Variants in ZNF8 observed in about 807,000 individuals in gnomAD.
The protein encoded by ZNF8 is zinc finger protein 8, also known as zinc finger protein 272.
In ZNF8, 9 loss-of-function variants were observed where a neutral mutation model predicts 12.2. The ratio of observed to expected loss-of-function variants is 0.73; its 90% CI spans 0.44 to 1.28. The LOEUF is 1.28. Among genes scored for constraint, ZNF8 ranks in the 50% most tolerant of loss-of-function variants. The pLI, the probability that ZNF8 is intolerant of heterozygous loss-of-function variation, is 0.00. For missense variants in ZNF8, 664 were observed against 729.1 expected, an observed-to-expected ratio of 0.91 and a Z score of 1.03; for synonymous variants, 274 against 282.3, an observed-to-expected ratio of 0.97 and a Z score of 0.30.
intron 1 of ZNF8, chr19:58,280,083 G>A: frequency 2.9e-6 from 1 of 343,640 alleles, no homozygotes; most frequent in South Asian, 2.3e-5. Flanking sequence ...TTGAGAGAAA[G>A]TGTATTAGTT....
chr19:58,284,667 G>A (rs2051371898), intron 1 of ZNF8, among the ~76,000 whole-genome samples: 1 of 152,114 alleles, frequency 6.6e-6, no homozygotes, highest in Admixed American at 6.5e-5. Flanking sequence ...TGGCCAACAT[G>A]GTAAAACCCC....
At chr19:58,285,386 A>C (rs544142208) in intron 1 of ZNF8, among the ~76,000 whole-genome samples, 2 of 152,324 alleles carry the variant, frequency 1.3e-5, no homozygotes, top group East Asian at 3.9e-4. Context: ...TATCTGTTTT[A>C]CTTAAAACAG....
chr19:58,283,599 C>CTTTT (rs34775791), intron 1 of ZNF8, among the ~76,000 whole-genome samples: 4 of 122,880 alleles, frequency 3.3e-5, no homozygotes, highest in Non-Finnish European at 5.0e-5. Context: ...GAAATAAACT[C>CTTTT]TTTTTTTTTT....
chr19:58,294,272 A>G lies in ZNF8; in HGVS notation c.464A>G (p.Asn155Ser). The change falls in exon 4 of 4, where the codon AAC (asparagine) becomes AGC (serine). Residue 155 changes from asparagine to serine, a missense_variant. Transcript: ENST00000621650. This position sits in a 1 kb window ranked among gnomAD's most constrained non-coding sequence, Gnocchi z 5.5. ...AGTCTGGCACTCAAGGAGCAGAATA[A>G]CTTGAAGCAGTTGGAATTTGGCCTC... is the stretch of plus-strand genomic sequence containing the variant. ...SQSLALKEQN[N>S]LKQLEFGLKE... The G allele has an allele frequency of 6.2e-7, 1 of 1,614,118 alleles. No individual in the cohort carries two copies. The highest frequency in any genetic ancestry group is 8.5e-7 in the Non-Finnish European group (1 of 1,180,014).
rs536441850 is a variant in ZNF8 at position 58,281,995 on chromosome 19, C to A, written c.66+2848C>A. 2.1e-3 allele frequency among the ~76,000 whole-genome samples: 319 copies of A among 152,224 alleles called. 3 individuals are homozygous for A. The highest frequency in any genetic ancestry group is 3.3e-3 in the Non-Finnish European group (223 of 68,018). The stretch of plus-strand genomic sequence containing the variant: ...GGGTTTGGTGGCACATGCCTGTAAT[C>A]CCAGTTATTTGGGAAGCTGAGGTGG... On this transcript the variant is annotated intron_variant, in intron 1 of 3. Coordinates refer to ENST00000621650, the MANE Select transcript of ZNF8 (RefSeq NM_021089.3).
intron 3 of ZNF8, among the ~76,000 whole-genome samples, chr19:58,292,909 T>G (rs940793163): frequency 1.3e-5 from 2 of 152,158 alleles, no homozygotes; most frequent in Non-Finnish European, 2.9e-5. Flanking sequence ...TGAAGTGACT[T>G]ATATTTTAGA....
At position 58,296,841 on chromosome 19, in the gene ZNF8, A is replaced by C. The variant is rs2051458769; in HGVS notation, c.*1305A>C. The C allele has an allele frequency of 6.6e-6, 1 of 152,300 alleles. No individual in the cohort carries two copies. Among genetic ancestry groups the C allele is most frequent in the Admixed American group, 6.6e-5 (1 of 15,266 alleles). 9.4% of individuals were successfully genotyped at this position (152,300 alleles called of 1,614,324 possible). A position where few individuals can be genotyped will look rare whatever the true frequency, so the allele number is the denominator to read the frequency against. On this transcript the variant is annotated 3_prime_UTR_variant, in exon 4 of 4. Transcript: ENST00000621650. ...CTCAACATCCTTTAGTGCCCGGGACAGCTCCTCAACAAAGGATTCTCTAGC... is the reference window on the plus strand; with the variant it reads ...CTCAACATCCTTTAGTGCCCGGGACCGCTCCTCAACAAAGGATTCTCTAGC...
chr19:58,278,957 A>G lies in ZNF8; in HGVS notation c.-125A>G. 7 of 1,179,134 alleles carry G rather than the reference A, an allele frequency of 5.9e-6. No individual in the cohort carries two copies. The highest frequency in any genetic ancestry group is 7.8e-6 in the Non-Finnish European group (7 of 894,266). 73.0% of individuals were successfully genotyped at this position (1,179,134 alleles called of 1,614,324 possible). On this transcript the variant is annotated 5_prime_UTR_variant, in exon 1 of 4. Transcript: ENST00000621650. Reference sequence around the variant, plus strand: ...CGCCGCACGGCCTACTGGGAGTTGTAGTCGCCGCGTCGCCGGTGCGGCCGC... The same window carrying G: ...CGCCGCACGGCCTACTGGGAGTTGTGGTCGCCGCGTCGCCGGTGCGGCCGC...
chr19:58,294,068 C>A lies in ZNF8; in HGVS notation c.290-30C>A. The A allele has an allele frequency of 6.4e-7, 1 of 1,560,884 alleles. No homozygotes were observed. Among genetic ancestry groups the A allele is most frequent in the Non-Finnish European group, 8.7e-7 (1 of 1,150,742 alleles). Reference sequence around the variant, plus strand: ...TCCCCCTTCCGTTTTTTTCTCCCAACAGCTCAGAGATCTTTGGGTTTTCTT... The same window carrying A: ...TCCCCCTTCCGTTTTTTTCTCCCAAAAGCTCAGAGATCTTTGGGTTTTCTT... On this transcript the variant is annotated intron_variant, in intron 3 of 3. Transcript: ENST00000621650. This position sits in a 1 kb window ranked among gnomAD's most constrained non-coding sequence, Gnocchi z 5.5.
intron 3 of ZNF8, among the ~76,000 whole-genome samples, chr19:58,290,305 G>A (rs958354614): frequency 6.7e-5 from 10 of 148,206 alleles, no homozygotes; most frequent in East Asian, 2.0e-4. Context: ...TAGTAGAGAC[G>A]GGGTTTCACC....
At chr19:58,279,172 G>A in intron 1 of ZNF8, 25 bp downstream of exon 1, 1 of 1,549,368 alleles carries the variant, frequency 6.5e-7, no homozygotes, top group Non-Finnish European at 8.7e-7. Flanking sequence ...AATAACGACG[G>A]CGGCGGGCTC....
At chr19:58,279,535 G>A (rs1321043873) in intron 1 of ZNF8, 16 of 1,509,302 alleles carry the variant, frequency 1.1e-5, no homozygotes, top group African/African-American at 1.4e-5. Flanking sequence ...GTGCCCAGAT[G>A]GCAAGAATCA....
At chr19:58,281,021 A>G (rs1489918595) in intron 1 of ZNF8, among the ~76,000 whole-genome samples, 1 of 152,206 alleles carries the variant, frequency 6.6e-6, no homozygotes, top group African/African-American at 2.4e-5. Context: ...ACATCTGCAC[A>G]GTTCCTTTTA....
rs2051491773 is a variant in ZNF8 at position 58,301,597 on chromosome 19, C to T, written c.*6061C>T. ...GTTCTAGACAGCTCTGGAAGTCAGG[C>T]CTGTGATTGCCTCATTCCCTCCACC... On this transcript the variant is annotated 3_prime_UTR_variant, in exon 4 of 4. Transcript: ENST00000621650. 6.6e-6 allele frequency: 1 copy of T among 152,340 alleles called. No homozygotes were observed. 9.4% of individuals were successfully genotyped at this position (152,340 alleles called of 1,614,324 possible).
chr19:58,286,016 C>G lies in ZNF8; in HGVS notation c.194-94C>G, dbSNP rs559447391. The stretch of plus-strand genomic sequence containing the variant: ...GCTTCACCATGTTGTGAGGTGCCCA[C>G]GTGTCCTCACAGTCGGGAGTCTGGT... On this transcript the variant is annotated intron_variant, in intron 2 of 3. Coordinates refer to ENST00000621650, the MANE Select transcript of ZNF8 (RefSeq NM_021089.3). 1.9e-5 allele frequency: 27 copies of G among 1,423,162 alleles called. No homozygotes were observed. In the East Asian group the frequency reaches 6.0e-4, roughly 32 times the overall value. 88.2% of individuals were successfully genotyped at this position (1,423,162 alleles called of 1,614,324 possible).
chr19:58,279,426 C>T (rs1429077390), intron 1 of ZNF8: 2 of 1,450,348 alleles, frequency 1.4e-6, no homozygotes, highest in African/African-American at 1.4e-5. Context: ...TCGAGCAGGC[C>T]CATCTCCTGC....
At chr19:58,288,683 C>T (rs2051399395) in intron 3 of ZNF8, among the ~76,000 whole-genome samples, 1 of 152,146 alleles carries the variant, frequency 6.6e-6, no homozygotes, top group Non-Finnish European at 1.5e-5. Context: ...AGCATCTGGC[C>T]ATGGGATGTA....
At chr19:58,280,767 TTCTAGGG>T (rs2147952876) in intron 1 of ZNF8, among the ~76,000 whole-genome samples, 1 of 152,356 alleles carries the variant, frequency 6.6e-6, no homozygotes, top group African/African-American at 2.4e-5. Flanking sequence ...CCTACCAAGG[TTCTAGGG>T]TAGAATGTTT....
chr19:58,283,266 C>T (rs1329653690), intron 1 of ZNF8, among the ~76,000 whole-genome samples: 2 of 152,050 alleles, frequency 1.3e-5, no homozygotes, highest in African/African-American at 4.8e-5. Context: ...GCCACTCTGC[C>T]CAGCCAGCCT....
Sources: allele counts gnomAD v4.1 joint callset (sites outside exome capture counted in the v4.1 genomes callset), GRCh38; gene constraint gnomAD v4.1.1; non-coding constraint Gnocchi (gnomAD v3.1); transcripts MANE v1.5; gene names NCBI Gene and HGNC (gene_info 2026-07-23, HGNC 2026-07-21).